The following NRXN3 variants were observed in gnomAD, a reference collection of about 807,000 sequenced individuals.
The protein encoded by NRXN3 is neurexin 3.
Under a neutral mutation model 137.6 loss-of-function variants are expected in NRXN3, and 32 were observed. The observed-to-expected ratio is 0.23, with a 90% CI of 0.18 to 0.31. The LOEUF is 0.31. Ranked by LOEUF, NRXN3 falls within the 10% of genes least tolerant of loss-of-function variation. NRXN3 has a pLI of 1.00. For missense variants in NRXN3, 1,574 were observed against 2,062.5 expected (o/e 0.76, Z 4.59); for synonymous variants, 798 against 784.5 (o/e 1.02, Z -0.29).
chr14:78,878,651 A>C (rs1346372040), intron 10 of NRXN3, among the ~76,000 whole-genome samples: 1 of 152,228 alleles, frequency 6.6e-6, no homozygotes, highest in South Asian at 2.1e-4. Context: ...ACACTAGAAT[A>C]GTGGACTCAA....
chr14:79,199,839 C>T (rs1022998016), intron 15 of NRXN3: 1 of 152,162 alleles, frequency 6.6e-6, no homozygotes, highest in Admixed American at 6.5e-5. Context: ...AGAAAGGTTT[C>T]AAATGGCAGA....
intron 20 of NRXN3, among the ~76,000 whole-genome samples, chr14:79,817,960 A>G (rs752032467): frequency 7.2e-5 from 11 of 151,788 alleles, no homozygotes; most frequent in Middle Eastern, 3.4e-3. Flanking sequence ...ATAAGGAGGA[A>G]TGACTCCAAT....
chr14:79,629,547 G>C (rs1042857118), intron 16 of NRXN3, among the ~76,000 whole-genome samples: 1 of 152,110 alleles, frequency 6.6e-6, no homozygotes, highest in Non-Finnish European at 1.5e-5. Context: ...GAATCATGGT[G>C]GGGGGTAGGG....
At chr14:79,740,952 A>T (rs1568074883) in intron 19 of NRXN3, among the ~76,000 whole-genome samples, 1 of 151,442 alleles carries the variant, frequency 6.6e-6, no homozygotes, top group Non-Finnish European at 1.5e-5. Flanking sequence ...ATTAATGTAC[A>T]TCACATAATT....
At chr14:79,246,029 A>G (rs890339833) in intron 15 of NRXN3, among the ~76,000 whole-genome samples, 4 of 152,196 alleles carry the variant, frequency 2.6e-5, no homozygotes, top group African/African-American at 9.6e-5. Flanking sequence ...CACAAAAACC[A>G]GAAGAGGAAA....
At chr14:78,782,453 T>C (rs561843107) in intron 8 of NRXN3, among the ~76,000 whole-genome samples, 2 of 152,300 alleles carry the variant, frequency 1.3e-5, no homozygotes, top group African/African-American at 2.4e-5. Context: ...AAACAACGCC[T>C]CTGGTTGGAA....
At chr14:79,260,724 T>C (rs1252209637) in intron 15 of NRXN3, among the ~76,000 whole-genome samples, 3 of 152,162 alleles carry the variant, frequency 2.0e-5, no homozygotes, top group Non-Finnish European at 4.4e-5. Context: ...TTCTCAATGT[T>C]ACTTTATAAA....
In NRXN3 at chr14:78,709,750, A is replaced by C. The variant is rs550595771; in HGVS notation, c.1660+95A>C. 217 of 1,093,286 alleles carry C rather than the reference A, an allele frequency of 2.0e-4. 1 individual carries two copies. The African/African-American group carries it at 2.8e-3, about 14-fold the overall frequency. The allele number at this position is 1,093,286 out of a possible 1,614,324, so 67.7% of individuals were successfully genotyped here. On this transcript the variant is annotated intron_variant, in intron 7 of 20. Transcript: ENST00000335750. The stretch of plus-strand genomic sequence containing the variant: ...TATGTTTCTTAATTTTCACCCTTGC[A>C]TGCTTGTTGATTCTTTTGCTACTCT...
At chr14:79,114,423 C>T (rs575224162) in intron 15 of NRXN3, among the ~76,000 whole-genome samples, 8 of 152,080 alleles carry the variant, frequency 5.3e-5, no homozygotes, top group Non-Finnish European at 1.2e-4. Context: ...TGCAGTAGCA[C>T]AATCATAGCT....
intron 15 of NRXN3, among the ~76,000 whole-genome samples, chr14:79,189,628 C>G (rs1289614737): frequency 6.6e-6 from 1 of 152,058 alleles, no homozygotes; most frequent in Non-Finnish European, 1.5e-5. Context: ...CGTCTAGAGA[C>G]GAATATGGCT....
chr14:79,382,843 G>A (rs917600455), intron 15 of NRXN3, among the ~76,000 whole-genome samples: 1 of 152,062 alleles, frequency 6.6e-6, no homozygotes, highest in African/African-American at 2.4e-5. Context: ...CCAACTTTAC[G>A]ATTGACTTTC....
chr14:79,548,486 C>T lies in NRXN3; in HGVS notation c.3444+81084C>T, dbSNP rs993326316. Among the ~76,000 whole-genome samples, 7 of 152,170 alleles carry T rather than the reference C, an allele frequency of 4.6e-5. 1 individual carries two copies. The highest frequency in any genetic ancestry group is 4.6e-4 in the Admixed American group (7 of 15,270). ...CAAGTCTTTGCTATTGTGAACAGTGCTACAATAAACATACATGTGCATGTG... is the reference window on the plus strand; with the variant it reads ...CAAGTCTTTGCTATTGTGAACAGTGTTACAATAAACATACATGTGCATGTG... On this transcript the variant is annotated intron_variant, in intron 16 of 20. Transcript: ENST00000335750.
intron 17 of NRXN3, among the ~76,000 whole-genome samples, chr14:79,678,457 G>C: frequency 6.6e-6 from 1 of 152,104 alleles, no homozygotes; most frequent in East Asian, 1.9e-4. Flanking sequence ...TAAGGAAAGA[G>C]GAAGTCTACA....
intron 16 of NRXN3, among the ~76,000 whole-genome samples, chr14:79,619,276 C>T (rs1020733542): frequency 3.3e-5 from 5 of 152,168 alleles, no homozygotes; most frequent in South Asian, 4.2e-4. Flanking sequence ...GCATTCTTTG[C>T]CAAGGCCAAC....
chr14:78,654,676 G>T (rs2097771946), intron 6 of NRXN3, among the ~76,000 whole-genome samples: 1 of 152,214 alleles, frequency 6.6e-6, no homozygotes, highest in South Asian at 2.1e-4. Flanking sequence ...TGCAGTTTGT[G>T]TCCACTTAAC....
At chr14:78,544,266 A>G (rs1174552936) in intron 4 of NRXN3, among the ~76,000 whole-genome samples, 3 of 152,224 alleles carry the variant, frequency 2.0e-5, no homozygotes, top group African/African-American at 7.2e-5. Context: ...GGTGTCTCAT[A>G]CACCTTCTCC....
chr14:79,293,075 T>A (rs990790523), intron 15 of NRXN3, among the ~76,000 whole-genome samples: 3 of 152,212 alleles, frequency 2.0e-5, no homozygotes, highest in African/African-American at 7.2e-5. Flanking sequence ...TCATGTTTCT[T>A]GTTTTTTCCA....
chr14:78,481,633 G>C (rs1346470414), intron 4 of NRXN3, among the ~76,000 whole-genome samples: 1 of 152,206 alleles, frequency 6.6e-6, no homozygotes, highest in Non-Finnish European at 1.5e-5. Context: ...GACAGGAGGA[G>C]AAGTGATAGG....
intron 15 of NRXN3, among the ~76,000 whole-genome samples, chr14:79,046,785 G>A (rs1463929125): frequency 6.6e-6 from 1 of 152,148 alleles, no homozygotes; most frequent in African/African-American, 2.4e-5. Context: ...AGCCTAGAAT[G>A]CTATCTGATG....
Sources: allele counts gnomAD v4.1 joint callset (sites outside exome capture counted in the v4.1 genomes callset), GRCh38; gene constraint gnomAD v4.1.1; transcripts MANE v1.5; gene names NCBI Gene and HGNC (gene_info 2026-07-23, HGNC 2026-07-21).